PIK3C2A: variants seen among roughly 807,000 people sequenced by gnomAD.
PIK3C2A encodes phosphatidylinositol-4-phosphate 3-kinase catalytic subunit type 2 alpha.
A neutral mutation model predicts 204.5 loss-of-function variants in PIK3C2A; 97 were observed. That is an observed-to-expected ratio of 0.47 (90% confidence interval 0.40 to 0.56). The LOEUF (loss-of-function observed/expected upper bound fraction) is 0.56, where lower values mean the gene tolerates loss of function less well. Ranked by LOEUF, PIK3C2A falls within the 20% of genes least tolerant of loss-of-function variation. The probability of loss-of-function intolerance (pLI) is 0.00; values close to 1 mark genes in which losing one functional copy is unlikely to be tolerated. For synonymous variants in PIK3C2A, 653 were observed against 664.4 expected (o/e 0.98, Z 0.26); for missense variants, 1,735 against 1,969.2 (o/e 0.88, Z 2.25).
chr11:17,166,778 T>C (rs1850966841), intron 2 of PIK3C2A, among the ~76,000 whole-genome samples: 1 of 152,186 alleles, frequency 6.6e-6, no homozygotes, highest in African/African-American at 2.4e-5. Flanking sequence ...GCTGACATCT[T>C]AAATCCAGAC....
chr11:17,145,265 C>G (rs1288681889), intron 8 of PIK3C2A, among the ~76,000 whole-genome samples: 2 of 152,026 alleles, frequency 1.3e-5, no homozygotes, highest in African/African-American at 2.4e-5. Context: ...GGCTCTATGT[C>G]CCCCCCAAAT....
At chr11:17,096,891 A>G (rs1848470907) in intron 27 of PIK3C2A, among the ~76,000 whole-genome samples, 166 bp downstream of exon 27, 1 of 152,234 alleles carries the variant, frequency 6.6e-6, no homozygotes, top group Non-Finnish European at 1.5e-5. Flanking sequence ...AAATACCAAA[A>G]AAGTTAGGGA....
intron 1 of PIK3C2A, among the ~76,000 whole-genome samples, chr11:17,177,638 A>G (rs1423896170): frequency 6.6e-6 from 1 of 152,208 alleles, no homozygotes; most frequent in Non-Finnish European, 1.5e-5. Flanking sequence ...TGACAAGATA[A>G]TATTCTCATA....
chr11:17,130,745 T>G (rs1276838164), intron 12 of PIK3C2A, among the ~76,000 whole-genome samples: 1 of 143,954 alleles, frequency 6.9e-6, no homozygotes, highest in Non-Finnish European at 1.5e-5. Context: ...AAGCTGAGGT[T>G]ACAGTGGGCC....
At chr11:17,161,448 A>T (rs1850772629) in intron 2 of PIK3C2A, among the ~76,000 whole-genome samples, 1 of 152,238 alleles carries the variant, frequency 6.6e-6, no homozygotes, top group South Asian at 2.1e-4. Flanking sequence ...AGAGTTTACA[A>T]CCAAAGAACT....
chr11:17,171,097 C>T (rs1026362567), intron 1 of PIK3C2A, among the ~76,000 whole-genome samples: 7 of 151,450 alleles, frequency 4.6e-5, no homozygotes, highest in South Asian at 2.1e-4. Context: ...AGAGAGACTC[C>T]GTCTCAAAAA....
intron 27 of PIK3C2A, among the ~76,000 whole-genome samples, chr11:17,095,380 C>G (rs1848421863): frequency 6.8e-6 from 1 of 148,088 alleles, no homozygotes; most frequent in South Asian, 2.1e-4. Context: ...TTGAGACCAT[C>G]CTGGCTAACA....
At chr11:17,126,270 T>C (rs1849519117) in intron 13 of PIK3C2A, among the ~76,000 whole-genome samples, 1 of 152,134 alleles carries the variant, frequency 6.6e-6, no homozygotes, top group African/African-American at 2.4e-5. Context: ...TCATTTGTGC[T>C]GGACATGGTA....
intron 1 of PIK3C2A, among the ~76,000 whole-genome samples, chr11:17,173,509 C>A (rs1429118636): frequency 6.6e-6 from 1 of 152,204 alleles, no homozygotes; most frequent in Non-Finnish European, 1.5e-5. Flanking sequence ...CGAAGAAAGA[C>A]AGATTCTGGC....
At chr11:17,133,337 A>T (rs1849763390) in intron 11 of PIK3C2A, among the ~76,000 whole-genome samples, 1 of 152,120 alleles carries the variant, frequency 6.6e-6, no homozygotes, top group East Asian at 1.9e-4. Context: ...TTCAGATACC[A>T]TCAATATCCA....
At chr11:17,100,862 T>C (rs1457567456) in intron 25 of PIK3C2A, among the ~76,000 whole-genome samples, 1 of 152,206 alleles carries the variant, frequency 6.6e-6, no homozygotes, top group Non-Finnish European at 1.5e-5. Flanking sequence ...ATAATAATCA[T>C]AGTGGGTTCG....
chr11:17,091,512 T>C lies in PIK3C2A; in HGVS notation c.4752+35A>G, dbSNP rs376912563. 6 of 1,609,456 alleles carry C rather than the reference T, an allele frequency of 3.7e-6. No individual in the cohort carries two copies. In the African/African-American group the frequency reaches 8.0e-5, roughly 22 times the overall value. The stretch of plus-strand genomic sequence containing the variant: ...TAATGCTTCCTACCAAGGTAAGGGT[T>C]TCCTCTACAACCATCATTCTTTGTA... On this transcript the variant is annotated intron_variant, in intron 31 of 32. Coordinates refer to ENST00000691414, the MANE Select transcript of PIK3C2A (RefSeq NM_002645.4).
chr11:17,120,300 G>A (rs969467079), intron 15 of PIK3C2A, among the ~76,000 whole-genome samples: 6 of 151,508 alleles, frequency 4.0e-5, no homozygotes, highest in Admixed American at 1.3e-4. Context: ...CCCACCCTAA[G>A]AGATAGCAAG....
At chr11:17,171,068 A>C (rs1851140457) in intron 1 of PIK3C2A, among the ~76,000 whole-genome samples, 1 of 152,214 alleles carries the variant, frequency 6.6e-6, no homozygotes, top group Non-Finnish European at 1.5e-5. Flanking sequence ...ACGTCACTGC[A>C]TTCCAGCCTG....
chr11:17,173,386 G>A (rs1452833964), intron 1 of PIK3C2A, among the ~76,000 whole-genome samples: 1 of 152,298 alleles, frequency 6.6e-6, no homozygotes, highest in East Asian at 1.9e-4. Context: ...TTTTCTTTGA[G>A]CTTACTAAAC....
chr11:17,113,009 T>TTTTA (rs999520494), intron 20 of PIK3C2A, among the ~76,000 whole-genome samples: 1 of 151,916 alleles, frequency 6.6e-6, no homozygotes, highest in Non-Finnish European at 1.5e-5. Context: ...TGCTTTTTCA[T>TTTTA]TTTATTTATT....
At chr11:17,139,209 G>A (rs954346054) in intron 8 of PIK3C2A, among the ~76,000 whole-genome samples, 3 of 143,918 alleles carry the variant, frequency 2.1e-5, no homozygotes, top group Non-Finnish European at 4.5e-5. Flanking sequence ...CACCACGCCC[G>A]GCCTAATGAT....
chr11:17,109,907 T>C (rs1433627898), intron 22 of PIK3C2A, among the ~76,000 whole-genome samples: 1 of 152,142 alleles, frequency 6.6e-6, no homozygotes, highest in African/African-American at 2.4e-5. Context: ...TGGACACCTC[T>C]GATTACTGCA....
intron 1 of PIK3C2A, among the ~76,000 whole-genome samples, chr11:17,206,751 C>T (rs972081742): frequency 1.3e-5 from 2 of 152,142 alleles, no homozygotes; most frequent in Admixed American, 1.3e-4. Flanking sequence ...ATGTCTTCAC[C>T]GTTCCCCTAC....
Sources: allele counts gnomAD v4.1 joint callset (sites outside exome capture counted in the v4.1 genomes callset), GRCh38; gene constraint gnomAD v4.1.1; transcripts MANE v1.5; gene names NCBI Gene and HGNC (gene_info 2026-07-23, HGNC 2026-07-21).